Variants in STK39 observed in about 807,000 individuals in gnomAD.
STK39 encodes STE20/SPS1-related proline-alanine-rich protein kinase.
In STK39, 20 loss-of-function variants were observed where a neutral mutation model predicts 77.8. That is an observed-to-expected ratio of 0.26 (90% CI 0.18 to 0.37). STK39 has a LOEUF of 0.37. Ranked by LOEUF, STK39 falls within the 10% of genes least tolerant of loss-of-function variation. STK39 has a pLI of 1.00. For synonymous variants in STK39, 246 were observed against 234.1 expected, an observed-to-expected ratio of 1.05 and a Z score of -0.47; for missense variants, 479 against 656.5, an observed-to-expected ratio of 0.73 and a Z score of 2.95.
intron 1 of STK39, chr2:168,232,098 C>T (rs2105262432): frequency 1.2e-5 from 3 of 253,252 alleles, no homozygotes; most frequent in South Asian, 7.0e-5. Flanking sequence ...GTAAGATCCA[C>T]AGTTACACTC....
intron 1 of STK39, among the ~76,000 whole-genome samples, chr2:168,215,690 G>A (rs1004504583): frequency 2.0e-5 from 3 of 152,158 alleles, no homozygotes; most frequent in African/African-American, 7.2e-5. Flanking sequence ...GGTGACACAG[G>A]AGAAACAAAT....
intron 14 of STK39, among the ~76,000 whole-genome samples, chr2:168,020,240 G>A (rs534906074): frequency 6.6e-6 from 1 of 152,118 alleles, no homozygotes; most frequent in Admixed American, 6.5e-5. Flanking sequence ...CCCATTATAT[G>A]TCAATATAAA....
chr2:168,026,930 A>G (rs1320026666), intron 14 of STK39, among the ~76,000 whole-genome samples: 3 of 152,194 alleles, frequency 2.0e-5, no homozygotes, highest in African/African-American at 7.2e-5. Flanking sequence ...CCAGCCTGGG[A>G]CACACCGTGA....
At chr2:168,126,719 T>G (rs1687551186) in intron 10 of STK39, among the ~76,000 whole-genome samples, 1 of 152,282 alleles carries the variant, frequency 6.6e-6, no homozygotes, top group African/African-American at 2.4e-5. Flanking sequence ...GAATGAGAAA[T>G]GAGCCATGAT....
In STK39 at chr2:167,963,552, G is replaced by T. The variant is rs190293934; in HGVS notation, c.1563+1110C>A. On this transcript the variant is annotated intron_variant, in intron 17 of 17. Coordinates refer to ENST00000355999, the MANE Select transcript of STK39 (RefSeq NM_013233.3). The stretch of plus-strand genomic sequence containing the variant: ...AAAAAAAAAAACACACACATTAAGA[G>T]GTGACAGTGTCATCCCAAACCAGAA... Among the ~76,000 whole-genome samples the T allele has an allele frequency of 2.0e-5, 3 of 150,904 alleles. No individual in the cohort carries two copies. In the East Asian group the frequency reaches 5.8e-4, roughly 29 times the overall value.
chr2:167,987,488 A>AATAT (rs142303168), intron 16 of STK39, among the ~76,000 whole-genome samples: 5 of 151,914 alleles, frequency 3.3e-5, no homozygotes, highest in African/African-American at 9.7e-5. Context: ...CTGGGACAAA[A>AATAT]ATATATATAT....
chr2:168,117,091 C>T (rs1255632640), intron 10 of STK39, among the ~76,000 whole-genome samples: 1 of 152,110 alleles, frequency 6.6e-6, no homozygotes, highest in African/African-American at 2.4e-5. Flanking sequence ...ACAATTATTA[C>T]CTAATAATAT....
intron 1 of STK39, among the ~76,000 whole-genome samples, chr2:168,227,135 T>C (rs1324923602): frequency 6.6e-6 from 1 of 152,160 alleles, no homozygotes; most frequent in Non-Finnish European, 1.5e-5. Context: ...TGCAGAACAA[T>C]ACGTATAGTT....
At chr2:168,084,952 A>G (rs1252764455) in intron 10 of STK39, among the ~76,000 whole-genome samples, 1 of 152,204 alleles carries the variant, frequency 6.6e-6, no homozygotes, top group Non-Finnish European at 1.5e-5. Context: ...TCTGCATTAA[A>G]TAACAGGGAT....
chr2:168,219,027 A>C (rs945411191), intron 1 of STK39, among the ~76,000 whole-genome samples: 6 of 152,330 alleles, frequency 3.9e-5, no homozygotes, highest in African/African-American at 1.4e-4. Flanking sequence ...CCTAAGAATC[A>C]TATGAATCAA....
chr2:168,106,577 T>C (rs1209805034), intron 10 of STK39, among the ~76,000 whole-genome samples: 2 of 152,148 alleles, frequency 1.3e-5, no homozygotes, highest in Non-Finnish European at 2.9e-5. Flanking sequence ...CCCAGCACTT[T>C]GGGAGGCCAA....
intron 10 of STK39, among the ~76,000 whole-genome samples, chr2:168,113,683 C>T (rs1366298422): frequency 6.6e-6 from 1 of 152,210 alleles, no homozygotes; most frequent in Non-Finnish European, 1.5e-5. Flanking sequence ...GTCTCAGTCA[C>T]TCGCACCACT....
At chr2:168,194,986 T>G (rs556696188) in intron 1 of STK39, among the ~76,000 whole-genome samples, 34 of 152,214 alleles carry the variant, frequency 2.2e-4, no homozygotes, top group African/African-American at 7.5e-4. Context: ...ATAGCATGAG[T>G]TTCAATATGA....
intron 10 of STK39, among the ~76,000 whole-genome samples, chr2:168,087,989 G>T (rs963909685): frequency 2.0e-5 from 3 of 152,002 alleles, no homozygotes; most frequent in African/African-American, 7.2e-5. Context: ...TTAGGTCTAA[G>T]AAATATAATC....
chr2:168,093,218 T>C (rs776265719), intron 10 of STK39, among the ~76,000 whole-genome samples: 1 of 152,174 alleles, frequency 6.6e-6, no homozygotes, highest in Non-Finnish European at 1.5e-5. Context: ...CCCATTCCCA[T>C]GAAAACCTTT....
At chr2:167,970,696 A>G (rs1692311535) in intron 16 of STK39, among the ~76,000 whole-genome samples, 1 of 152,176 alleles carries the variant, frequency 6.6e-6, no homozygotes, top group South Asian at 2.1e-4. Flanking sequence ...ACCTAACTTA[A>G]TAAGCAGACA....
At chr2:168,003,486 A>T (rs1200379701) in intron 16 of STK39, among the ~76,000 whole-genome samples, 1 of 151,614 alleles carries the variant, frequency 6.6e-6, no homozygotes, top group Non-Finnish European at 1.5e-5. Flanking sequence ...GATTTTTTTT[A>T]AAGAAAGAAA....
chr2:168,235,535 G>A lies in STK39; in HGVS notation c.208+11693C>T, dbSNP rs189208902. ...ATATGTATACATGTGCCATGTTGGT[G>A]TGCTGCGCCCAGTAACTCGTCATTT... On this transcript the variant is annotated intron_variant, in intron 1 of 17. Coordinates refer to ENST00000355999, the MANE Select transcript of STK39 (RefSeq NM_013233.3). Among the ~76,000 whole-genome samples, 10 of 151,700 alleles carry A rather than the reference G, an allele frequency of 6.6e-5. No individual in the cohort carries two copies. In the East Asian group the frequency reaches 1.9e-3, roughly 29 times the overall value.
At chr2:168,205,499 G>C (rs1574554206) in intron 1 of STK39, among the ~76,000 whole-genome samples, 1 of 152,006 alleles carries the variant, frequency 6.6e-6, no homozygotes, top group South Asian at 2.1e-4. Context: ...TAAATTACTT[G>C]CTATGGAAAA....
Sources: allele counts gnomAD v4.1 joint callset (sites outside exome capture counted in the v4.1 genomes callset), GRCh38; gene constraint gnomAD v4.1.1; transcripts MANE v1.5; gene names NCBI Gene and HGNC (gene_info 2026-07-23, HGNC 2026-07-21).